Variants in TMEM131L observed in about 807,000 individuals in gnomAD.
TMEM131L encodes the protein transmembrane protein 131-like.
TMEM131L carries 54 observed loss-of-function variants against 192.2 expected under a neutral mutation model. The observed-to-expected ratio is 0.28, with a 90% confidence interval of 0.23 to 0.35. The LOEUF (loss-of-function observed/expected upper bound fraction) is 0.35. TMEM131L is among the 10% of genes least tolerant of loss of function. TMEM131L has a pLI of 1.00. For missense variants in TMEM131L, 1,888 were observed against 1,972.9 expected (o/e 0.96, Z 0.82); for synonymous variants, 701 against 704.9 (o/e 0.99, Z 0.09).
At chr4:153,524,350 A>G (rs1380240259) in intron 3 of TMEM131L, among the ~76,000 whole-genome samples, 6 of 151,862 alleles carry the variant, frequency 4.0e-5, no homozygotes, top group Admixed American at 3.3e-4. Flanking sequence ...AGCGAGGGCT[A>G]CTCCCTGCTG....
intron 3 of TMEM131L, among the ~76,000 whole-genome samples, chr4:153,517,460 T>C (rs749127210): frequency 9.2e-5 from 14 of 151,764 alleles, no homozygotes; most frequent in South Asian, 6.3e-4. Context: ...AGAAGTAATA[T>C]ATAGTGTGTA....
intron 25 of TMEM131L, 94 bp from the exon 26 acceptor site, chr4:153,612,158 A>T: frequency 1.2e-6 from 1 of 865,760 alleles, no homozygotes; most frequent in South Asian, 2.2e-5. Flanking sequence ...TTTAACTCTC[A>T]TGAAGTCAAA....
At position 153,632,728 on chromosome 4, in the gene TMEM131L, A is replaced by C. The variant is rs1462855608; in HGVS notation, c.4218A>C (p.Ser1406=). ...TGVEEDKGLY[S]PGDLWPTPPV... is the part of the protein sequence containing the mutation. ...TGTTCTCTTCCGTAGGTCTTTACTC[A>C]CCTGGAGACCTGTGGCCCACTCCGC... The change falls in exon 32 of 35, where the codon TCA becomes TCC. Residue 1406 remains serine, a synonymous_variant. Coordinates refer to ENST00000409959, the MANE Select transcript of TMEM131L (RefSeq NM_001131007.2). The C allele has an allele frequency of 6.2e-7, 1 of 1,613,916 alleles. No homozygotes were observed. Among genetic ancestry groups the C allele is most frequent in the African/African-American group, 1.3e-5 (1 of 74,860 alleles).
intron 17 of TMEM131L, among the ~76,000 whole-genome samples, chr4:153,591,820 G>A (rs1731088487): frequency 1.3e-5 from 2 of 152,130 alleles, no homozygotes; most frequent in Non-Finnish European, 2.9e-5. Context: ...TTTCAACTTA[G>A]AGAAAAGTTT....
At chr4:153,468,495 A>G (rs1273732128) in intron 2 of TMEM131L, among the ~76,000 whole-genome samples, 12 of 152,342 alleles carry the variant, frequency 7.9e-5, no homozygotes, top group Admixed American at 7.2e-4. Context: ...GAAGATACAG[A>G]AATATAAAAA....
chr4:153,520,799 CTG>C (rs1261732386), intron 3 of TMEM131L, among the ~76,000 whole-genome samples: 3 of 152,302 alleles, frequency 2.0e-5, no homozygotes, highest in South Asian at 2.1e-4. Flanking sequence ...TAATAATTAA[CTG>C]TGAAGAATTG....
At chr4:153,629,089 A>G (rs1307726237) in intron 31 of TMEM131L, among the ~76,000 whole-genome samples, 2 of 151,910 alleles carry the variant, frequency 1.3e-5, no homozygotes, top group African/African-American at 4.8e-5. Context: ...CTAGTGCCCC[A>G]CCTGCTCCTG....
intron 26 of TMEM131L, among the ~76,000 whole-genome samples, chr4:153,619,316 A>T (rs1733222563): frequency 6.6e-6 from 1 of 152,212 alleles, no homozygotes; most frequent in Non-Finnish European, 1.5e-5. Flanking sequence ...CCACCAAGTT[A>T]GAAAGACACA....
intron 3 of TMEM131L, among the ~76,000 whole-genome samples, chr4:153,519,429 T>G (rs990704574): frequency 2.0e-5 from 3 of 152,190 alleles, no homozygotes; most frequent in African/African-American, 7.2e-5. Context: ...GAAGTGTTAC[T>G]CAAACTTTAG....
chr4:153,503,875 C>T (rs1733779226), intron 3 of TMEM131L, among the ~76,000 whole-genome samples: 1 of 152,162 alleles, frequency 6.6e-6, no homozygotes, highest in Admixed American at 6.5e-5. Flanking sequence ...TAAGGAAAGA[C>T]AATTAGAAAA....
At position 153,598,603 on chromosome 4, in the gene TMEM131L, G is replaced by A. The variant is rs1333123073; in HGVS notation, c.2137G>A (p.Val713Ile). The A allele has an allele frequency of 1.2e-6, 2 of 1,613,534 alleles. No homozygotes were observed. The highest frequency in any genetic ancestry group is 2.7e-5 in the African/African-American group (2 of 74,876). ...CTTTCACTACAGGAATAACTTGACT[G>A]TTATTGACATGATTGGCGTGGAAGG... ...SLILIRNNLTVIDMIGVEGFG... is the reference protein window; with the variant it reads ...SLILIRNNLTIIDMIGVEGFG... Residue 713 changes from valine (V) to isoleucine (I), a missense_variant, in exon 21 of 35, where the codon GTT (valine) becomes ATT (isoleucine). By Grantham distance (29) the Val-to-Ile change is conservative (BLOSUM62 3). Transcript: ENST00000409959.
At chr4:153,485,976 C>T (rs957427908) in intron 3 of TMEM131L, among the ~76,000 whole-genome samples, 3 of 152,136 alleles carry the variant, frequency 2.0e-5, no homozygotes, top group Admixed American at 1.3e-4. Flanking sequence ...AGAACATGTG[C>T]GTGATCCTAG....
chr4:153,558,102 T>G (rs1026092039), intron 6 of TMEM131L, among the ~76,000 whole-genome samples, 156 bp from the exon 7 acceptor site: 1 of 152,242 alleles, frequency 6.6e-6, no homozygotes, highest in Admixed American at 6.5e-5. Flanking sequence ...ATTCATTGTG[T>G]TTTTTGTAGA....
intron 3 of TMEM131L, among the ~76,000 whole-genome samples, chr4:153,481,114 C>T (rs1005631717): frequency 6.6e-6 from 1 of 152,292 alleles, no homozygotes; most frequent in African/African-American, 2.4e-5. Flanking sequence ...CCTCTTCCTC[C>T]AGTCTCACTT....
rs1408085680 is a variant in TMEM131L at position 153,604,086 on chromosome 4, C to T, written c.3074C>T (p.Ala1025Val). Residue 1025 changes from alanine (A) to valine (V), a missense_variant, in exon 25 of 35, where the codon GCC (alanine) becomes GTC (valine). Physicochemically the swap from Ala to Val is moderately conservative, Grantham distance 64. Coordinates refer to ENST00000409959, the MANE Select transcript of TMEM131L (RefSeq NM_001131007.2). ...GCTAAAGAGGACATTTGCACTGATG[C>T]CATGCGTGAGAACTGGATCAGCCTC... ...PAAKEDICTD[A>V]MRENWISLRY... The T allele has an allele frequency of 1.2e-6, 2 of 1,614,156 alleles. No individual in the cohort carries two copies. Among genetic ancestry groups the T allele is most frequent in the Admixed American group, 1.7e-5 (1 of 60,024 alleles).
intron 7 of TMEM131L, among the ~76,000 whole-genome samples, chr4:153,577,149 G>C (rs1017209470): frequency 6.6e-6 from 1 of 152,074 alleles, no homozygotes; most frequent in East Asian, 1.9e-4. Flanking sequence ...CAAAGGGACA[G>C]AAAATTCAAA....
intron 3 of TMEM131L, among the ~76,000 whole-genome samples, chr4:153,518,098 T>A (rs962329376): frequency 6.6e-6 from 1 of 152,182 alleles, no homozygotes; most frequent in African/African-American, 2.4e-5. Flanking sequence ...TAGTGAGAGC[T>A]GAGACCTGAC....
chr4:153,519,580 C>A (rs1238795633), intron 3 of TMEM131L, among the ~76,000 whole-genome samples: 1 of 152,124 alleles, frequency 6.6e-6, no homozygotes, highest in African/African-American at 2.4e-5. Context: ...AATGACCAAG[C>A]AATCTTAAAC....
At chr4:153,557,986 G>A (rs1267083823) in intron 6 of TMEM131L, among the ~76,000 whole-genome samples, 1 of 152,176 alleles carries the variant, frequency 6.6e-6, no homozygotes, top group Non-Finnish European at 1.5e-5. Context: ...GGCCAGGCTG[G>A]TCTCAAACTC....
Sources: gnomAD v4.1 joint callset for allele counts (sites outside exome capture counted in the v4.1 genomes callset) on GRCh38, gnomAD v4.1.1 for gene constraint, MANE v1.5 for transcripts, NCBI Gene and HGNC (gene_info 2026-07-23, HGNC 2026-07-21) for gene names.